NFIB: variants seen among roughly 807,000 people sequenced by gnomAD.
NFIB encodes nuclear factor I B.
NFIB carries 11 observed loss-of-function variants against 61.5 expected under a neutral mutation model. That is an observed-to-expected ratio of 0.18 (90% CI 0.11 to 0.30). The LOEUF (loss-of-function observed/expected upper bound fraction) is 0.30. Among genes scored for constraint, NFIB ranks in the 10% least tolerant of loss-of-function variants. The pLI is 1.00. For synonymous variants in NFIB, 260 were observed against 216.5 expected (o/e 1.20, Z -1.76); for missense variants, 471 against 608.9 (o/e 0.77, Z 2.38).
chr9:14,206,969 A>G (rs1007065534), intron 2 of NFIB, among the ~76,000 whole-genome samples: 1 of 152,212 alleles, frequency 6.6e-6, no homozygotes, highest in Non-Finnish European at 1.5e-5. Flanking sequence ...GTATGTGCTT[A>G]CAATGTTAGC....
the NFIB span, among the ~76,000 whole-genome samples, chr9:14,468,856 A>T: frequency 4.6e-5 from 7 of 152,230 alleles, no homozygotes; most frequent in African/African-American, 1.2e-4. Context: ...AATTGCCCAG[A>T]TCTCACAGGT....
chr9:14,301,559 G>A (rs927512306), intron 2 of NFIB, among the ~76,000 whole-genome samples: 5 of 151,900 alleles, frequency 3.3e-5, no homozygotes, highest in South Asian at 2.1e-4. Flanking sequence ...ACAAATAAGC[G>A]TCCCATCCCT....
the NFIB span, among the ~76,000 whole-genome samples, chr9:14,497,233 T>G: frequency 6.6e-6 from 1 of 152,222 alleles, no homozygotes; most frequent in African/African-American, 2.4e-5. Flanking sequence ...ATTTTATACT[T>G]ACTACATTCT....
At chr9:14,418,085 A>G in the NFIB span, among the ~76,000 whole-genome samples, 1 of 152,174 alleles carries the variant, frequency 6.6e-6, no homozygotes, top group African/African-American at 2.4e-5. Context: ...CCAGCCAGGA[A>G]CAGTTTTTTT....
chr9:14,277,270 G>C (rs190148924), intron 2 of NFIB, among the ~76,000 whole-genome samples: 101 of 152,206 alleles, frequency 6.6e-4, no homozygotes, highest in African/African-American at 2.3e-3. Context: ...CACATGGTTT[G>C]CTGGCAGAAT....
chr9:14,296,610 G>C (rs1397506092), intron 2 of NFIB, among the ~76,000 whole-genome samples: 1 of 152,188 alleles, frequency 6.6e-6, no homozygotes, highest in Non-Finnish European at 1.5e-5. Flanking sequence ...TCACTCTTTT[G>C]CTGCATGTAC....
At chr9:14,315,515 GCGGGGCCGCGGCGCGCC>G (rs977787446), upstream of NFIB, among the ~76,000 whole-genome samples, 490 of 144,234 alleles carry the variant, frequency 3.4e-3, 1 homozygote, top group Middle Eastern at 7.0e-3. Flanking sequence ...TGCAGGCGGG[GCGGGGCCGCGGCGCGCC>G]CGGGGCTGCG....
Position 14,085,054 on chromosome 9 carries a change from G to A in NFIB, c.*3255C>T, listed in dbSNP as rs2032633607. On this transcript the variant is annotated 3_prime_UTR_variant, in exon 11 of 11. Coordinates refer to ENST00000380953, the MANE Select transcript of NFIB (RefSeq NM_001190737.2). ...CTAATAGGTCAAAGATACATGAAGA[G>A]CTTGGCTGAGATGATCTGTTTGCTA... is the stretch of plus-strand genomic sequence containing the variant. 1 of 227,800 alleles carries A rather than the reference G, an allele frequency of 4.4e-6. No individual in the cohort carries two copies. Among genetic ancestry groups the A allele is most frequent in the Admixed American group, 5.7e-5 (1 of 17,568 alleles). 14.1% of individuals were successfully genotyped at this position (227,800 alleles called of 1,614,324 possible).
intron 6 of NFIB, among the ~76,000 whole-genome samples, chr9:14,142,084 T>C (rs562399733): frequency 1.1e-4 from 17 of 152,284 alleles, no homozygotes; most frequent in Non-Finnish European, 2.4e-4. Context: ...AAGAATTGTT[T>C]TCAATGTTCA....
chr9:14,176,861 G>T, intron 3 of NFIB, among the ~76,000 whole-genome samples: 1 of 152,072 alleles, frequency 6.6e-6, no homozygotes, highest in East Asian at 1.9e-4. Context: ...TGATCGGATG[G>T]GATTCCACCT....
At chr9:14,438,579 G>C in the NFIB span, among the ~76,000 whole-genome samples, 1 of 152,312 alleles carries the variant, frequency 6.6e-6, no homozygotes, top group Non-Finnish European at 1.5e-5. Context: ...TGGAGGTGGA[G>C]AGGGGTTGTT....
chr9:14,470,637 C>G, the NFIB span, among the ~76,000 whole-genome samples: 1 of 152,178 alleles, frequency 6.6e-6, no homozygotes, highest in South Asian at 2.1e-4. Context: ...AGAGAGGGCA[C>G]GAGCAGACAC....
At chr9:14,377,209 T>A (rs188950157) in intron 1 of NFIB, among the ~76,000 whole-genome samples, 2 of 152,272 alleles carry the variant, frequency 1.3e-5, no homozygotes, top group East Asian at 3.9e-4. Context: ...CAAATGAGCA[T>A]GTAGTGTGTG....
chr9:14,346,130 C>CG (rs1037028352), intron 1 of NFIB, among the ~76,000 whole-genome samples: 1 of 151,900 alleles, frequency 6.6e-6, no homozygotes, highest in Non-Finnish European at 1.5e-5. Context: ...GCCGCGGGCG[C>CG]GGGGGGCGCG....
At chr9:14,315,902 G>C (rs951674046), upstream of NFIB, among the ~76,000 whole-genome samples, 6 of 151,268 alleles carry the variant, frequency 4.0e-5, no homozygotes, top group Non-Finnish European at 5.9e-5. Flanking sequence ...GGGCTACCGG[G>C]TCCTCGCGGG....
intron 2 of NFIB, among the ~76,000 whole-genome samples, chr9:14,298,579 G>T (rs895374673): frequency 6.6e-6 from 1 of 152,076 alleles, no homozygotes; most frequent in Admixed American, 6.6e-5. Context: ...ATCACTGTCA[G>T]CAAACAAAAG....
the NFIB span, among the ~76,000 whole-genome samples, chr9:14,439,251 T>G: frequency 8.5e-5 from 13 of 152,118 alleles, no homozygotes; most frequent in African/African-American, 3.1e-4. Context: ...AGGCCTGTAG[T>G]CCCAGATACT....
intron 1 of NFIB, chr9:14,361,338 G>T (rs1223867319): frequency 6.6e-6 from 1 of 151,726 alleles, no homozygotes; most frequent in Non-Finnish European, 1.5e-5. Context: ...GATGTCACTG[G>T]CATCAGTAAA....
chr9:14,388,414 AG>A (rs2061578503), intron 1 of NFIB, among the ~76,000 whole-genome samples: 1 of 136,050 alleles, frequency 7.4e-6, no homozygotes, highest in Non-Finnish European at 1.5e-5. Context: ...GAAGGAAGGA[AG>A]GAAGGAAGGA....
Sources: gnomAD v4.1 joint callset for allele counts (sites outside exome capture counted in the v4.1 genomes callset) on GRCh38, gnomAD v4.1.1 for gene constraint, MANE v1.5 for transcripts, NCBI Gene and HGNC (gene_info 2026-07-23, HGNC 2026-07-21) for gene names.